BCL2: variants seen among roughly 807,000 people sequenced by gnomAD.
BCL2 encodes the protein apoptosis regulator Bcl-2.
A neutral mutation model predicts 14.2 loss-of-function variants in BCL2; 1 was observed. That is an observed-to-expected ratio of 0.07 (90% confidence interval 0.02 to 0.33). BCL2 has a LOEUF of 0.33. Ranked by LOEUF, BCL2 falls within the 10% of genes least tolerant of loss-of-function variation. BCL2 has a pLI of 0.99. For synonymous variants in BCL2, 151 were observed against 137.2 expected, an observed-to-expected ratio of 1.10 and a Z score of -0.70; for missense variants, 247 against 305.9, an observed-to-expected ratio of 0.81 and a Z score of 1.44.
rs149013095 is a variant in BCL2 at position 63,212,970 on chromosome 18, A to C, written c.586-84211T>G. ...AATGTGAGAGAGGAAAAACATAAAG[A>C]AATTTCAAATTTGTGAATACACCTT... On this transcript the variant is annotated intron_variant, in intron 2 of 2. Coordinates refer to ENST00000333681, the MANE Select transcript of BCL2 (RefSeq NM_000633.3). Among the ~76,000 whole-genome samples, 694 of 152,316 alleles carry C rather than the reference A, an allele frequency of 4.6e-3. 6 individuals carry two copies. The highest frequency in any genetic ancestry group is 0.015 in the African/African-American group (607 of 41,552).
intron 2 of BCL2, among the ~76,000 whole-genome samples, chr18:63,243,597 A>G (rs528967308): frequency 7.2e-5 from 11 of 152,308 alleles, no homozygotes; most frequent in African/African-American, 2.2e-4. Flanking sequence ...GAGGAGGGGT[A>G]ATGTCCCAGG....
rs77223670 is a variant in BCL2 at position 63,225,617 on chromosome 18, T to C, written c.585+92465A>G. On this transcript the variant is annotated intron_variant, in intron 2 of 2. Transcript: ENST00000333681. ...CAGGATTATTTCCCTGAACGCTTCA[T>C]GGGTGGGAACTGGAGTGCATGGGCG... Among the ~76,000 whole-genome samples the C allele has an allele frequency of 3.3e-3, 502 of 152,272 alleles. 2 individuals are homozygous for C. The highest frequency in any genetic ancestry group is 0.012 in the African/African-American group (478 of 41,536).
At chr18:63,289,263 A>G (rs550839846) in intron 2 of BCL2, among the ~76,000 whole-genome samples, 5 of 152,286 alleles carry the variant, frequency 3.3e-5, no homozygotes, top group African/African-American at 1.2e-4. Flanking sequence ...CAAGGCCTGG[A>G]AAAATGGCAC....
intron 2 of BCL2, chr18:63,317,280 G>A (rs1423842458): frequency 6.4e-6 from 1 of 155,290 alleles, no homozygotes; most frequent in Non-Finnish European, 1.4e-5. Context: ...CACTCTGAGT[G>A]GTGAAAAACA....
chr18:63,261,028 G>A (rs986978668), intron 2 of BCL2, among the ~76,000 whole-genome samples: 1 of 152,150 alleles, frequency 6.6e-6, no homozygotes, highest in South Asian at 2.1e-4. Context: ...ATTCCTTCTC[G>A]AGGGGCTGCT....
At chr18:63,274,277 C>CTTTTTTTTTTTTTTTTTTTTTTTTTT in intron 2 of BCL2, among the ~76,000 whole-genome samples, 1 of 86,752 alleles carries the variant, frequency 1.2e-5, no homozygotes, top group Non-Finnish European at 2.2e-5. Context: ...TAAAGATACT[C>CTTTTTTTTTTTTTTTTTTTTTTTTTT]TTTTTTTTTT....
chr18:63,216,584 A>T (rs1016463546), intron 2 of BCL2, among the ~76,000 whole-genome samples: 1 of 152,186 alleles, frequency 6.6e-6, no homozygotes. Flanking sequence ...TATTTTTACC[A>T]TCAAGTCTTT....
intron 2 of BCL2, among the ~76,000 whole-genome samples, chr18:63,167,553 G>A (rs981841696): frequency 2.0e-5 from 3 of 152,296 alleles, no homozygotes; most frequent in Non-Finnish European, 2.9e-5. Context: ...GCCGAGGCAG[G>A]AGGATCACTT....
intron 2 of BCL2, among the ~76,000 whole-genome samples, chr18:63,169,260 CTT>C (rs1386080001): frequency 1.8e-5 from 1 of 54,376 alleles, no homozygotes; most frequent in African/African-American, 1.1e-4. Context: ...TTCTTTCTTT[CTT>C]TCTTTCTTTC....
At chr18:63,154,987 G>A (rs1326398560) in intron 2 of BCL2, among the ~76,000 whole-genome samples, 1 of 152,222 alleles carries the variant, frequency 6.6e-6, no homozygotes, top group African/African-American at 2.4e-5. Context: ...TGGCAACACC[G>A]TGTGGGGTAA....
At chr18:63,274,148 G>C (rs1418418069) in intron 2 of BCL2, among the ~76,000 whole-genome samples, 1 of 151,978 alleles carries the variant, frequency 6.6e-6, no homozygotes, top group Non-Finnish European at 1.5e-5. Context: ...TATCCTCTGA[G>C]TTGGCCAAAT....
At chr18:63,291,801 A>G (rs907929376) in intron 2 of BCL2, among the ~76,000 whole-genome samples, 2 of 151,688 alleles carry the variant, frequency 1.3e-5, no homozygotes, top group African/African-American at 4.9e-5. Flanking sequence ...CTTGTGTTGG[A>G]AAGATAATCT....
rs544913458 is a variant in BCL2 at position 63,300,452 on chromosome 18, TTC to T, written c.585+17628_585+17629del. 3.8e-3 allele frequency among the ~76,000 whole-genome samples: 531 copies of T among 141,526 alleles called. 2 individuals carry two copies. Among genetic ancestry groups the T allele is most frequent in the African/African-American group, 0.011 (461 of 40,094 alleles). 92.8% of individuals were successfully genotyped at this position (141,526 alleles called of 152,430 possible). A position where few individuals can be genotyped will look rare whatever the true frequency, so the allele number is the denominator to read the frequency against. On this transcript the variant is annotated intron_variant, in intron 2 of 2. Transcript: ENST00000333681. ...AAAAAAGAAAGAGATCTTGTGCTCC[TTC>T]TCTCTCTCTCTCTGTGTGTGTGTGT...
At chr18:63,207,003 A>T (rs375791243) in intron 2 of BCL2, among the ~76,000 whole-genome samples, 42 of 152,344 alleles carry the variant, frequency 2.8e-4, no homozygotes, top group African/African-American at 1.0e-3. Flanking sequence ...AGGCTGACAG[A>T]TGCAGAGAGG....
At chr18:63,218,482 T>C (rs1910270640) in intron 2 of BCL2, among the ~76,000 whole-genome samples, 1 of 151,992 alleles carries the variant, frequency 6.6e-6, no homozygotes, top group South Asian at 2.1e-4. Context: ...AATATCTCCT[T>C]TATGCAAAGC....
intron 2 of BCL2, among the ~76,000 whole-genome samples, chr18:63,275,892 C>A (rs146832546): frequency 6.6e-6 from 1 of 152,236 alleles, no homozygotes; most frequent in Non-Finnish European, 1.5e-5. Flanking sequence ...TTTCTTCTAA[C>A]CACTTTGCAA....
intron 2 of BCL2, among the ~76,000 whole-genome samples, chr18:63,240,501 T>C (rs1211086618): frequency 6.6e-6 from 1 of 152,200 alleles, no homozygotes; most frequent in African/African-American, 2.4e-5. Flanking sequence ...ACAGGGGAAA[T>C]ATGCTTCTAG....
At chr18:63,174,423 G>A (rs1464156094) in intron 2 of BCL2, among the ~76,000 whole-genome samples, 1 of 151,704 alleles carries the variant, frequency 6.6e-6, no homozygotes, top group Admixed American at 6.6e-5. Flanking sequence ...GTATGTGGAT[G>A]GCTCTCCTGT....
At chr18:63,261,263 C>G (rs968302224) in intron 2 of BCL2, among the ~76,000 whole-genome samples, 2 of 152,082 alleles carry the variant, frequency 1.3e-5, no homozygotes, top group Admixed American at 6.6e-5. Flanking sequence ...TTCCAAGAGC[C>G]GACAACTAGC....
Sources: gnomAD v4.1 joint callset for allele counts (sites outside exome capture counted in the v4.1 genomes callset) on GRCh38, gnomAD v4.1.1 for gene constraint, MANE v1.5 for transcripts, NCBI Gene and HGNC (gene_info 2026-07-23, HGNC 2026-07-21) for gene names.